Variants in TIAM1 observed in about 807,000 individuals in gnomAD.
The protein encoded by TIAM1 is rho guanine nucleotide exchange factor TIAM1.
Under a neutral mutation model 163.5 loss-of-function variants are expected in TIAM1, and 65 were observed. The ratio of observed to expected loss-of-function variants is 0.40; its 90% confidence interval spans 0.33 to 0.49. The LOEUF (loss-of-function observed/expected upper bound fraction) is 0.49, where lower values mean the gene tolerates loss of function less well. TIAM1 is among the 20% of genes least tolerant of loss of function. TIAM1 has a pLI of 0.77. For missense variants in TIAM1, 1,789 were observed against 2,044.7 expected, an observed-to-expected ratio of 0.87 and a Z score of 2.41; for synonymous variants, 833 against 810.1, an observed-to-expected ratio of 1.03 and a Z score of -0.48.
At chr21:31,298,694 T>C (rs747991368) in intron 2 of TIAM1, among the ~76,000 whole-genome samples, 1 of 150,680 alleles carries the variant, frequency 6.6e-6, no homozygotes, top group Non-Finnish European at 1.5e-5. Context: ...GCTCCTGTAC[T>C]TCTTACTCAC....
chr21:31,155,311 G>A (rs1302265020), intron 16 of TIAM1, among the ~76,000 whole-genome samples: 1 of 152,176 alleles, frequency 6.6e-6, no homozygotes, highest in Non-Finnish European at 1.5e-5. Context: ...GAATCACTGG[G>A]GAGCTTTTCA....
intron 16 of TIAM1, 101 bp from the exon 17 acceptor site, chr21:31,154,527 T>G: frequency 1.7e-6 from 2 of 1,199,558 alleles, no homozygotes; most frequent in Non-Finnish European, 2.3e-6. Context: ...GTTAGTCAAC[T>G]GTCACATATG....
chr21:31,285,192 C>CG lies in TIAM1; in HGVS notation c.-188-8285_-188-8284insC, dbSNP rs3216554. ...TGATTTCATTCCCCAAGCCACCCCCCCAAGCCAATTCCCAACCCATAGCTG... is the reference window on the plus strand; with the variant it reads ...TGATTTCATTCCCCAAGCCACCCCCCGCAAGCCAATTCCCAACCCATAGCTG... On this transcript the variant is annotated intron_variant, in intron 2 of 27. Coordinates refer to ENST00000541036, the MANE Select transcript of TIAM1 (RefSeq NM_001353694.2). 2.7e-3 allele frequency among the ~76,000 whole-genome samples: 416 copies of CG among 152,270 alleles called. 1 individual carries two copies. The highest frequency in any genetic ancestry group is 0.017 in the Middle Eastern group (5 of 294).
chr21:31,161,274 C>T (rs1055883987), intron 16 of TIAM1, among the ~76,000 whole-genome samples: 8 of 152,156 alleles, frequency 5.3e-5, no homozygotes, highest in Non-Finnish European at 1.0e-4. Context: ...CACATGACCG[C>T]ACTGCCCTGA....
intron 2 of TIAM1, among the ~76,000 whole-genome samples, chr21:31,321,721 G>GTTT (rs1189259820): frequency 6.6e-6 from 1 of 151,972 alleles, no homozygotes; most frequent in Non-Finnish European, 1.5e-5. Context: ...TATAACATAA[G>GTTT]AAGCCAAACT....
At chr21:31,503,519 AAG>A (rs1272988171) in intron 1 of TIAM1, among the ~76,000 whole-genome samples, 2 of 119,718 alleles carry the variant, frequency 1.7e-5, no homozygotes, top group East Asian at 5.5e-4. Context: ...AAAAAAGAGA[AAG>A]AGAAAGGAAG....
chr21:31,298,816 G>C (rs1450026138), intron 2 of TIAM1, among the ~76,000 whole-genome samples: 1 of 151,664 alleles, frequency 6.6e-6, no homozygotes, highest in Non-Finnish European at 1.5e-5. Context: ...GAGAGAGAGA[G>C]AGAGAGAGAA....
chr21:31,250,446 C>A (rs186929883), intron 5 of TIAM1, among the ~76,000 whole-genome samples: 1 of 152,182 alleles, frequency 6.6e-6, no homozygotes, highest in Non-Finnish European at 1.5e-5. Context: ...ATGGGGCCAA[C>A]GCAAGTCCTA....
intron 1 of TIAM1, 122 bp from the exon 2 acceptor site, chr21:31,339,544 T>A: frequency 2.5e-6 from 1 of 396,326 alleles, no homozygotes. Flanking sequence ...TTACATGTTG[T>A]AGACACTCAA....
chr21:31,444,825 C>G (rs1162902808), intron 2 of TIAM1, among the ~76,000 whole-genome samples: 2 of 152,052 alleles, frequency 1.3e-5, no homozygotes, highest in Non-Finnish European at 2.9e-5. Context: ...ATGGTGAAAC[C>G]CCATCTATAC....
At chr21:31,300,660 A>G (rs2074461975) in intron 2 of TIAM1, among the ~76,000 whole-genome samples, 1 of 152,252 alleles carries the variant, frequency 6.6e-6, no homozygotes, top group African/African-American at 2.4e-5. Flanking sequence ...GCAAAAGATT[A>G]TTGTTGCTAA....
chr21:31,381,070 T>A (rs2076771201), intron 2 of TIAM1, among the ~76,000 whole-genome samples: 1 of 152,242 alleles, frequency 6.6e-6, no homozygotes, highest in Non-Finnish European at 1.5e-5. Context: ...AGTACTTGTG[T>A]GCAATATACT....
At chr21:31,500,282 A>ACAGG (rs2046808659) in intron 1 of TIAM1, among the ~76,000 whole-genome samples, 1 of 152,216 alleles carries the variant, frequency 6.6e-6, no homozygotes, top group African/African-American at 2.4e-5. Context: ...CTCTTCACTG[A>ACAGG]CAGGCAGCAT....
At chr21:31,484,087 C>A (rs1195219750) in intron 1 of TIAM1, among the ~76,000 whole-genome samples, 2 of 152,194 alleles carry the variant, frequency 1.3e-5, no homozygotes, top group Non-Finnish European at 1.5e-5. Flanking sequence ...CAGGTGAGGA[C>A]ACGGCAAAAG....
intron 2 of TIAM1, among the ~76,000 whole-genome samples, chr21:31,280,560 T>C (rs1008296567): frequency 7.2e-5 from 11 of 152,150 alleles, no homozygotes; most frequent in African/African-American, 2.4e-4. Context: ...GGCCAATTTC[T>C]GTGTCATGTG....
intron 2 of TIAM1, among the ~76,000 whole-genome samples, chr21:31,280,568 G>T (rs1204375594): frequency 1.3e-5 from 2 of 152,132 alleles, no homozygotes; most frequent in Admixed American, 6.6e-5. Flanking sequence ...TCTGTGTCAT[G>T]TGTCAAATAA....
intron 10 of TIAM1, among the ~76,000 whole-genome samples, chr21:31,210,652 A>AAG (rs762267790): frequency 9.1e-5 from 2 of 21,880 alleles, no homozygotes; most frequent in African/African-American, 4.3e-4. Context: ...AAAGAAAGAA[A>AAG]GAAAGAAAGA....
intron 2 of TIAM1, among the ~76,000 whole-genome samples, chr21:31,350,039 A>G (rs2247394): frequency 0.12 from 19,003 of 152,208 alleles, 1,534 homozygotes; most frequent in East Asian, 0.43. Flanking sequence ...AATGTTCTCA[A>G]TGTTTTCACA....
chr21:31,440,739 G>T (rs1170808632), intron 2 of TIAM1, among the ~76,000 whole-genome samples: 3 of 152,132 alleles, frequency 2.0e-5, no homozygotes, highest in Non-Finnish European at 4.4e-5. Flanking sequence ...AAATTAGCTG[G>T]GTGTGGTGGC....
Sources: gnomAD v4.1 joint callset for allele counts (sites outside exome capture counted in the v4.1 genomes callset) on GRCh38, gnomAD v4.1.1 for gene constraint, MANE v1.5 for transcripts, NCBI Gene and HGNC (gene_info 2026-07-23, HGNC 2026-07-21) for gene names.